Variants in DDX24 observed in about 807,000 individuals in gnomAD.
DDX24 encodes ATP-dependent RNA helicase DDX24.
A neutral mutation model predicts 68.9 loss-of-function variants in DDX24; 24 were observed. The observed-to-expected ratio is 0.35, with a 90% CI of 0.25 to 0.49. The LOEUF (loss-of-function observed/expected upper bound fraction) is 0.49, where lower values mean the gene tolerates loss of function less well. Ranked by LOEUF, DDX24 falls within the 20% of genes least tolerant of loss-of-function variation. The pLI is 0.99. For missense variants in DDX24, 989 were observed against 1,039.0 expected (o/e 0.95, Z 0.66); for synonymous variants, 395 against 385.2 (o/e 1.03, Z -0.30).
Position 94,060,091 on chromosome 14 carries a change from A to G in DDX24, c.1913+7T>C, listed in dbSNP as rs1885563543. On this transcript the variant is annotated splice_region_variant and intron_variant, in intron 5 of 8. Transcript: ENST00000621632. ...AGGTTAAGCCTCTGGGGACAGTCCT[A>G]ACTTACTCTTCCAGACGGGCAAACT... 3.1e-6 allele frequency: 5 copies of G among 1,609,060 alleles called. No homozygotes were observed. The highest frequency in any genetic ancestry group is 4.2e-6 in the Non-Finnish European group (5 of 1,176,752).
At chr14:94,080,054 C>G (rs141035388) in intron 1 of DDX24, among the ~76,000 whole-genome samples, 1 of 152,168 alleles carries the variant, frequency 6.6e-6, no homozygotes, top group African/African-American at 2.4e-5. Context: ...CTTCAGTGCT[C>G]TCATCTATAA....
intron 1 of DDX24, among the ~76,000 whole-genome samples, chr14:94,080,884 C>G (rs1371285358): frequency 6.6e-6 from 1 of 152,138 alleles, no homozygotes; most frequent in East Asian, 1.9e-4. Flanking sequence ...AACGCGCGCA[C>G]GAAACCGAGA....
At chr14:94,061,362 A>C (rs1214956046) in intron 3 of DDX24, among the ~76,000 whole-genome samples, 2 of 152,166 alleles carry the variant, frequency 1.3e-5, no homozygotes, top group African/African-American at 4.8e-5. Context: ...AAGCTCTGGG[A>C]AAACGGAGCA....
At chr14:94,052,853 C>A in intron 8 of DDX24, 145 bp downstream of exon 8, 1 of 1,167,136 alleles carries the variant, frequency 8.6e-7, no homozygotes, top group Non-Finnish European at 1.2e-6. Context: ...AGTAGGCTCA[C>A]CTGGGACCAG....
In DDX24 at chr14:94,079,482, C is replaced by T. The variant is rs1443364459; in HGVS notation, c.261G>A (p.Glu87=). 3 of 1,614,038 alleles carry T rather than the reference C, an allele frequency of 1.9e-6. No individual in the cohort carries two copies. Among genetic ancestry groups the T allele is most frequent in the Non-Finnish European group, 2.5e-6 (3 of 1,180,026 alleles). ...TTGGTGAGCTAGACTTTCCCTCCTC[C>T]TCCTCCTCTTCTTCTGAAACAGCTT... The part of the protein sequence containing the change: ...KAQAVSEEEE[E]EEGKSSSPKK... Residue 87 remains glutamate, a synonymous_variant, in exon 2 of 9, where the codon GAG becomes GAA. Transcript: ENST00000621632.
chr14:94,077,081 T>C (rs867514018), intron 2 of DDX24, among the ~76,000 whole-genome samples: 1 of 152,256 alleles, frequency 6.6e-6, no homozygotes, highest in African/African-American at 2.4e-5. Flanking sequence ...AAGAATAAAG[T>C]ATATAATACA....
chr14:94,051,164 T>C lies in DDX24; in HGVS notation c.*27A>G. On this transcript the variant is annotated 3_prime_UTR_variant, in exon 9 of 9. Transcript: ENST00000621632. ...CAAATAGCCAGAGAACAGAAACCAA[T>C]GTGCAGTCACTGACACACTTGACCA... The C allele has an allele frequency of 1.3e-6, 2 of 1,491,484 alleles. No homozygotes were observed. Among genetic ancestry groups the C allele is most frequent in the African/African-American group, 1.5e-5 (1 of 66,648 alleles). The allele number at this position is 1,491,484 out of a possible 1,614,324, so 92.4% of individuals were successfully genotyped here.
rs757372617 is a variant in DDX24 at position 94,051,436 on chromosome 14, G to A, written c.2335C>T (p.Arg779Cys). The change falls in exon 9 of 9, where the codon CGT becomes TGT. Residue 779 changes from arginine (R) to cysteine (C), a missense_variant. By Grantham distance (180) the Arg-to-Cys change is radical. This residue lies in a region of DDX24 where 691 missense variants were observed against 760.0 expected (regional missense o/e 0.91). Transcript: ENST00000621632. Reference protein sequence around the residue: ...KGGKADQQEERRRQKQMKVLK... With the variant: ...KGGKADQQEECRRQKQMKVLK... ...ACCTTCATCTGCTTTTGTCTCCGAC[G>A]TTCTTCTTGCTGGTCAGCTTTTCCT... The A allele has an allele frequency of 2.1e-5, 33 of 1,567,982 alleles. No individual in the cohort carries two copies. Among genetic ancestry groups the A allele is most frequent in the Non-Finnish European group, 2.2e-5 (25 of 1,159,180 alleles).
At chr14:94,071,774 C>T (rs1340768702) in intron 2 of DDX24, among the ~76,000 whole-genome samples, 15 of 152,056 alleles carry the variant, frequency 9.9e-5, no homozygotes, top group African/African-American at 2.9e-4. Context: ...GGAGAAACCA[C>T]GTCTCTACTA....
intron 5 of DDX24, 67 bp downstream of exon 5, chr14:94,060,031 C>G: frequency 6.6e-7 from 1 of 1,509,660 alleles, no homozygotes; most frequent in Non-Finnish European, 8.9e-7. Context: ...CATTTCCCCA[C>G]CATCCTGACC....
chr14:94,069,543 G>GA (rs1212571356), intron 2 of DDX24, among the ~76,000 whole-genome samples: 2 of 152,014 alleles, frequency 1.3e-5, no homozygotes, highest in Non-Finnish European at 2.9e-5. Flanking sequence ...CCAAAACCAG[G>GA]AAAGGACACA....
intron 2 of DDX24, among the ~76,000 whole-genome samples, chr14:94,066,470 C>T (rs529119297): frequency 6.6e-6 from 1 of 152,284 alleles, no homozygotes; most frequent in African/African-American, 2.4e-5. Context: ...ACTGCTGGTC[C>T]CTCTCCATAC....
At position 94,060,150 on chromosome 14, in the gene DDX24, T is replaced by C; in HGVS notation, c.1861A>G (p.Met621Val). ...TTTCTGAGCCTCTGCTTCTGGTGCA[T>C]ACAGGCATGCAGGGTCAAGGGCATG... ...DIMPLTLHAC[M>V]HQKQRLRNLE... Residue 621 changes from methionine (M) to valine (V), a missense_variant, in exon 5 of 9, where the codon ATG (methionine) becomes GTG (valine). Met to Val is a conservative substitution (Grantham distance 21). Coordinates refer to ENST00000621632, the MANE Select transcript of DDX24 (RefSeq NM_020414.4). The C allele has an allele frequency of 2.5e-6, 4 of 1,614,100 alleles. No homozygotes were observed. The highest frequency in any genetic ancestry group is 2.5e-6 in the Non-Finnish European group (3 of 1,179,996).
intron 3 of DDX24, among the ~76,000 whole-genome samples, chr14:94,061,681 A>AGGGTC (rs1885600221): frequency 2.0e-5 from 3 of 152,228 alleles, no homozygotes; most frequent in Admixed American, 6.5e-5. Context: ...TTTTTCTGAA[A>AGGGTC]GGGTCACTAG....
intron 7 of DDX24, among the ~76,000 whole-genome samples, chr14:94,054,566 G>A (rs1445339399): frequency 3.9e-5 from 6 of 152,164 alleles, no homozygotes; most frequent in Admixed American, 1.3e-4. Context: ...CATGGTAAGC[G>A]GCACCTACCT....
rs1048463510 is a variant in DDX24, at chr14:94,051,112, T to C, written c.*79A>G. 3.4e-6 allele frequency: 5 copies of C among 1,461,204 alleles called. No individual in the cohort carries two copies. Among genetic ancestry groups the C allele is most frequent in the Non-Finnish European group, 3.6e-6 (4 of 1,104,924 alleles). 90.5% of individuals were successfully genotyped at this position (1,461,204 alleles called of 1,614,324 possible). On this transcript the variant is annotated 3_prime_UTR_variant, in exon 9 of 9. Transcript: ENST00000621632. ...TTTTTACCTGGGGTTGGTGGTGGAG[T>C]GAAACACAAGGGTGGGAGAGGTTTT...
chr14:94,058,369 T>C (rs1345582248), intron 5 of DDX24, among the ~76,000 whole-genome samples: 1 of 152,204 alleles, frequency 6.6e-6, no homozygotes, highest in Non-Finnish European at 1.5e-5. Context: ...CTCACTTCAT[T>C]ACTTTCTTCA....
rs1191042383 is a variant in DDX24, at chr14:94,060,455, C to T, written c.1556G>A (p.Arg519Gln). 1.9e-6 allele frequency: 3 copies of T among 1,613,990 alleles called. No homozygotes were observed. The highest frequency in any genetic ancestry group is 1.3e-5 in the African/African-American group (1 of 74,884). The stretch of plus-strand genomic sequence containing the variant: ...CTTGGTGTGCTTCTTATGAAGGATT[C>T]GAGCAGGAGCCTGATGCACCAGGGT... ...TLTLVHQAPARILHKKHTKKM... is the reference protein window; with the variant it reads ...TLTLVHQAPAQILHKKHTKKM... Residue 519 changes from arginine (R) to glutamine (Q), a missense_variant, in exon 5 of 9, where the codon CGA becomes CAA. Transcript: ENST00000621632.
intron 2 of DDX24, among the ~76,000 whole-genome samples, chr14:94,073,086 CTT>C (rs10716706): frequency 9.5e-4 from 119 of 125,638 alleles, no homozygotes; most frequent in Non-Finnish European, 1.3e-3. Context: ...ATTTTCTTTT[CTT>C]TTTTTTTTTT....
Sources: gnomAD v4.1 joint callset for allele counts (sites outside exome capture counted in the v4.1 genomes callset) on GRCh38, gnomAD v4.1.1 for gene constraint, gnomAD v4.1.1 regional missense constraint, MANE v1.5 for transcripts, NCBI Gene and HGNC (gene_info 2026-07-23, HGNC 2026-07-21) for gene names.